The following ARHGAP21 variants were observed in gnomAD, a reference collection of about 807,000 sequenced individuals.
The protein encoded by ARHGAP21 is rho GTPase-activating protein 21.
Under a neutral mutation model 164.6 loss-of-function variants are expected in ARHGAP21, and 38 were observed. The observed-to-expected ratio is 0.23, with a 90% CI of 0.18 to 0.30. ARHGAP21 has a LOEUF of 0.30. Ranked by LOEUF, ARHGAP21 falls within the 10% of genes least tolerant of loss-of-function variation. ARHGAP21 has a pLI of 1.00. For synonymous variants in ARHGAP21, 766 were observed against 857.9 expected (o/e 0.89, Z 1.87); for missense variants, 1,822 against 2,370.7 (o/e 0.77, Z 4.81).
At chr10:24,595,069 A>G (rs1005078878) in intron 20 of ARHGAP21, 30 bp from the exon 21 acceptor site, 3 of 1,609,312 alleles carry the variant, frequency 1.9e-6, no homozygotes, top group Non-Finnish European at 2.5e-6. Flanking sequence ...CAATGGATTC[A>G]GAGGCTGAAT....
intron 2 of ARHGAP21, among the ~76,000 whole-genome samples, chr10:24,696,383 A>C (rs1843180688): frequency 6.6e-6 from 1 of 152,206 alleles, no homozygotes; most frequent in Non-Finnish European, 1.5e-5. Context: ...GAATCTCCTG[A>C]AGAAATTACA....
intron 2 of ARHGAP21, among the ~76,000 whole-genome samples, chr10:24,687,773 A>G (rs1842352072): frequency 1.3e-5 from 2 of 152,184 alleles, no homozygotes; most frequent in African/African-American, 4.8e-5. Context: ...CCAATGAAAT[A>G]ATGCAATCCC....
intron 7 of ARHGAP21, among the ~76,000 whole-genome samples, chr10:24,628,816 C>CACACATATATACATATAT (rs1565052902): frequency 9.1e-6 from 1 of 110,356 alleles, no homozygotes; most frequent in African/African-American, 3.2e-5. Flanking sequence ...CATATATATA[C>CACACATATATACATATAT]ATATACACAC....
intron 4 of ARHGAP21, among the ~76,000 whole-genome samples, chr10:24,642,704 A>C (rs898971167): frequency 1.3e-5 from 2 of 152,166 alleles, no homozygotes; most frequent in African/African-American, 4.8e-5. Context: ...CCCAAAGGCT[A>C]TGAAATAAAT....
intron 4 of ARHGAP21, among the ~76,000 whole-genome samples, chr10:24,641,533 T>C (rs1177964942): frequency 6.6e-6 from 1 of 152,328 alleles, no homozygotes; most frequent in African/African-American, 2.4e-5. Context: ...CTCAATCACA[T>C]TATATCTATT....
At chr10:24,637,719 G>A (rs946632012) in intron 4 of ARHGAP21, among the ~76,000 whole-genome samples, 2 of 152,146 alleles carry the variant, frequency 1.3e-5, no homozygotes, top group Non-Finnish European at 2.9e-5. Flanking sequence ...GACTACCATT[G>A]TAAAGTCAGA....
At chr10:24,642,387 C>A (rs1316349999) in intron 4 of ARHGAP21, among the ~76,000 whole-genome samples, 3 of 151,364 alleles carry the variant, frequency 2.0e-5, no homozygotes, top group Admixed American at 6.6e-5. Context: ...TGGTAGCGGG[C>A]GCCTGTAGTC....
rs1460323295 is a variant in ARHGAP21, at chr10:24,658,306, C to T, written c.268+8679G>A. Among the ~76,000 whole-genome samples the T allele has an allele frequency of 2.0e-5, 3 of 152,180 alleles. No homozygotes were observed. The East Asian group carries it at 5.8e-4, about 29-fold the overall frequency. On this transcript the variant is annotated intron_variant, in intron 4 of 25. Transcript: ENST00000396432. ...TCTAGAACTAGAAATACCATTTGAT[C>T]CAGCCATCCCGTTACTGGGCATATA...
intron 9 of ARHGAP21, among the ~76,000 whole-genome samples, chr10:24,616,914 T>C (rs1358326710): frequency 6.6e-6 from 1 of 152,160 alleles, no homozygotes; most frequent in African/African-American, 2.4e-5. Context: ...ATGAGTAATA[T>C]TCCAAATTTA....
intron 9 of ARHGAP21, among the ~76,000 whole-genome samples, chr10:24,612,172 T>C (rs1307045595): frequency 6.6e-6 from 1 of 152,220 alleles, no homozygotes; most frequent in Non-Finnish European, 1.5e-5. Context: ...CATGGCAGAA[T>C]AATCAGTTCC....
At chr10:24,672,644 G>C (rs1840823436) in intron 2 of ARHGAP21, among the ~76,000 whole-genome samples, 1 of 152,106 alleles carries the variant, frequency 6.6e-6, no homozygotes, top group East Asian at 1.9e-4. Context: ...TTTTGAAAAG[G>C]TCACCTTTAT....
chr10:24,595,616 T>C, intron 19 of ARHGAP21, 101 bp downstream of exon 19: 1 of 1,239,304 alleles, frequency 8.1e-7, no homozygotes, highest in Non-Finnish European at 1.1e-6. Flanking sequence ...TCCTGCTTCC[T>C]TTGACCAAGA....
intron 14 of ARHGAP21, among the ~76,000 whole-genome samples, chr10:24,598,598 T>C (rs957367831): frequency 5.9e-5 from 9 of 152,212 alleles, no homozygotes; most frequent in Admixed American, 4.6e-4. Flanking sequence ...AAATGCTATA[T>C]GGTAAACCCA....
chr10:24,673,991 A>G (rs772143871), intron 2 of ARHGAP21, among the ~76,000 whole-genome samples: 2 of 152,250 alleles, frequency 1.3e-5, no homozygotes, highest in African/African-American at 2.4e-5. Flanking sequence ...CCCAAGGAAC[A>G]TAATCCATTA....
chr10:24,708,502 G>C lies in ARHGAP21; in HGVS notation c.63+13335C>G, dbSNP rs538565408. Among the ~76,000 whole-genome samples, 26 of 152,268 alleles carry C rather than the reference G, an allele frequency of 1.7e-4. 1 individual carries two copies. In the South Asian group the frequency reaches 5.0e-3, roughly 29 times the overall value. ...TCTGCATAGATAGTGTAGTGGTCAA[G>C]TTGGCTTTTCGTATATTTATCACCC... On this transcript the variant is annotated intron_variant, in intron 2 of 25. Coordinates refer to ENST00000396432, the MANE Select transcript of ARHGAP21 (RefSeq NM_020824.4).
chr10:24,638,786 G>C (rs142899796), intron 4 of ARHGAP21, among the ~76,000 whole-genome samples: 1 of 152,208 alleles, frequency 6.6e-6, no homozygotes, highest in East Asian at 1.9e-4. Flanking sequence ...TATATTTGTA[G>C]AAAAGAAGGT....
intron 8 of ARHGAP21, among the ~76,000 whole-genome samples, chr10:24,622,051 C>T (rs1565038768): frequency 1.3e-5 from 2 of 152,040 alleles, no homozygotes; most frequent in African/African-American, 4.8e-5. Flanking sequence ...TAAGCTAATG[C>T]AAAAGTATAT....
intron 2 of ARHGAP21, among the ~76,000 whole-genome samples, chr10:24,679,315 A>T (rs1277280065): frequency 6.6e-6 from 1 of 152,220 alleles, no homozygotes; most frequent in East Asian, 1.9e-4. Flanking sequence ...TAGGCCGCAC[A>T]TTCTTGATTA....
chr10:24,655,471 G>A (rs1414495535), intron 4 of ARHGAP21, among the ~76,000 whole-genome samples: 1 of 152,172 alleles, frequency 6.6e-6, no homozygotes, highest in Admixed American at 6.5e-5. Flanking sequence ...GATATGAACA[G>A]ACACTTCTCA....
Sources: allele counts gnomAD v4.1 joint callset (sites outside exome capture counted in the v4.1 genomes callset), GRCh38; gene constraint gnomAD v4.1.1; transcripts MANE v1.5; gene names NCBI Gene and HGNC (gene_info 2026-07-23, HGNC 2026-07-21).